The following SORBS2 variants were observed in gnomAD, a reference collection of about 807,000 sequenced individuals.
SORBS2 encodes sorbin and SH3 domain containing 2, also known as sorbin and SH3 domain-containing protein 2.
A neutral mutation model predicts 97.7 loss-of-function variants in SORBS2; 46 were observed. The ratio of observed to expected loss-of-function variants is 0.47; its 90% CI spans 0.37 to 0.60. SORBS2 has a LOEUF of 0.60. Among genes scored for constraint, SORBS2 ranks in the 20% least tolerant of loss-of-function variants. SORBS2 has a pLI of 0.00. For missense variants in SORBS2, 1,316 were observed against 1,282.3 expected (o/e 1.03, Z -0.40); for synonymous variants, 476 against 473.4 (o/e 1.01, Z -0.07).
intron 1 of SORBS2, among the ~76,000 whole-genome samples, chr4:185,933,562 T>C (rs1579563782): frequency 6.6e-6 from 1 of 152,134 alleles, no homozygotes; most frequent in East Asian, 1.9e-4. Flanking sequence ...TGGCCGTCTT[T>C]GGCTTCCTTG....
intron 1 of SORBS2, among the ~76,000 whole-genome samples, chr4:185,788,665 T>C (rs567497897): frequency 3.8e-4 from 58 of 152,382 alleles, no homozygotes; most frequent in African/African-American, 1.3e-3. Flanking sequence ...TACCCTGTAA[T>C]GAATCTTACC....
At chr4:185,782,020 C>T (rs745436418) in intron 1 of SORBS2, among the ~76,000 whole-genome samples, 2 of 152,268 alleles carry the variant, frequency 1.3e-5, no homozygotes, top group Non-Finnish European at 2.9e-5. Context: ...ACATGACTTA[C>T]ATTCCTCCCG....
At chr4:185,736,147 C>T (rs2098686395) in intron 2 of SORBS2, among the ~76,000 whole-genome samples, 1 of 152,216 alleles carries the variant, frequency 6.6e-6, no homozygotes, top group African/African-American at 2.4e-5. Flanking sequence ...TGTCATCATC[C>T]CACAGAGTTT....
chr4:185,610,455 A>G (rs1046746693), intron 12 of SORBS2, among the ~76,000 whole-genome samples: 9 of 152,132 alleles, frequency 5.9e-5, no homozygotes, highest in Non-Finnish European at 4.4e-5. Flanking sequence ...ACAAAATTGG[A>G]TAGTACCAAA....
intron 2 of SORBS2, among the ~76,000 whole-genome samples, chr4:185,719,193 G>A (rs1262851523): frequency 1.3e-5 from 2 of 152,098 alleles, no homozygotes; most frequent in Admixed American, 6.5e-5. Context: ...AGAGGTTACC[G>A]AGAAAAGAGA....
chr4:185,705,089 C>T (rs558564130), intron 2 of SORBS2, among the ~76,000 whole-genome samples: 27 of 152,322 alleles, frequency 1.8e-4, no homozygotes, highest in African/African-American at 5.8e-4. Flanking sequence ...CACAGGCACA[C>T]GTACACATGC....
intron 1 of SORBS2, among the ~76,000 whole-genome samples, chr4:185,937,655 C>T (rs1446437615): frequency 6.6e-5 from 10 of 152,070 alleles, no homozygotes; most frequent in African/African-American, 1.7e-4. Context: ...GCTCCTGATT[C>T]GAAAGCTCAC....
chr4:185,611,669 C>T (rs1228740394), intron 12 of SORBS2, 111 bp downstream of exon 24: 1 of 803,848 alleles, frequency 1.2e-6, no homozygotes, highest in Non-Finnish European at 2.0e-6. Flanking sequence ...ATATGTAAAT[C>T]TCTTTCTCTG....
chr4:185,599,224 AG>A (rs2096195687), intron 12 of SORBS2, among the ~76,000 whole-genome samples: 1 of 152,218 alleles, frequency 6.6e-6, no homozygotes, highest in African/African-American at 2.4e-5. Flanking sequence ...GCCATGCGAT[AG>A]GCCAGTCAAG....
intron 2 of SORBS2, among the ~76,000 whole-genome samples, chr4:185,745,827 G>A (rs140931086): frequency 6.6e-5 from 10 of 152,244 alleles, no homozygotes; most frequent in African/African-American, 1.4e-4. Flanking sequence ...GTGACTGATC[G>A]CTGCAGTGAC....
At position 185,623,465 on chromosome 4, in the gene SORBS2, CGGTGGT is replaced by C. The variant is rs748769484; in HGVS notation, c.1658_1663del (p.His553_His554del). On this transcript the variant is annotated inframe_deletion, in exon 7 of 15. Coordinates refer to ENST00000418609, the Ensembl canonical transcript of SORBS2. This position sits in a 1 kb window ranked among gnomAD's most constrained non-coding sequence, Gnocchi z 6.4. ...GCCTTTGCAGGAGCTGATGAGGTGG[CGGTGGT>C]GGTGGTGGTGGTGATGGTGGTGGTG... 2.6e-4 allele frequency: 413 copies of C among 1,612,016 alleles called. 5 individuals carry two copies. The South Asian group carries it at 4.3e-3, about 17-fold the overall frequency.
chr4:185,892,742 T>G (rs1005464573), intron 1 of SORBS2, among the ~76,000 whole-genome samples: 1 of 152,022 alleles, frequency 6.6e-6, no homozygotes, highest in Non-Finnish European at 1.5e-5. Flanking sequence ...AGACAGAAAG[T>G]AGAATGGTGG....
At chr4:185,812,228 C>T (rs2099187876) in intron 1 of SORBS2, 34 bp from the exon 1 acceptor site, 1 of 152,240 alleles carries the variant, frequency 6.6e-6, no homozygotes, top group African/African-American at 2.4e-5. Context: ...AATGGCTGGT[C>T]CTCTCAGCTC....
In SORBS2 at chr4:185,754,484, G is replaced by T. The variant is rs540807342; in HGVS notation, c.-198+20743C>A. On this transcript the variant is annotated intron_variant, in intron 2 of 20. Coordinates refer to the SORBS2 transcript ENST00000284776. ...CCTGAACTTAAAATAAAAGTTAAAAGAATAATAAAAACAGAAAGTTTACCC... is the reference window on the plus strand; with the variant it reads ...CCTGAACTTAAAATAAAAGTTAAAATAATAATAAAAACAGAAAGTTTACCC... Among the ~76,000 whole-genome samples the T allele has an allele frequency of 2.5e-3, 373 of 152,122 alleles. 3 individuals carry two copies. Among genetic ancestry groups the T allele is most frequent in the African/African-American group, 8.5e-3 (354 of 41,494 alleles).
At chr4:185,881,316 T>A (rs35834071) in intron 1 of SORBS2, among the ~76,000 whole-genome samples, 41,748 of 151,970 alleles carry the variant, frequency 0.27, 5,991 homozygotes, top group East Asian at 0.54. Context: ...AAATAAATAA[T>A]ATTTCTCAAA....
rs191932859 is a variant in SORBS2, at chr4:185,719,445, G to C, written c.-197-40623C>G. On this transcript the variant is annotated intron_variant, in intron 2 of 20. Coordinates refer to the SORBS2 transcript ENST00000284776. ...TTGGTTATCAGTTTTGTGACATATA[G>C]AGTAACAGTTATAAGGATCAGTTTC... 8.5e-4 allele frequency among the ~76,000 whole-genome samples: 129 copies of C among 152,328 alleles called. 1 individual carries two copies. The highest frequency in any genetic ancestry group is 3.0e-3 in the African/African-American group (125 of 41,568).
In SORBS2 at chr4:185,665,979, T is replaced by C. The variant is rs2097590170; in HGVS notation, c.-45-3737A>G. On this transcript the variant is annotated intron_variant, in intron 4 of 20. Coordinates refer to the SORBS2 transcript ENST00000284776. ...CTGGAGCTGGGAGCAGGTGTTTGTA[T>C]AAGCAATGGGAAAGGCTCTGGGGAT... The C allele has an allele frequency of 3.1e-6, 4 of 1,273,474 alleles. No individual in the cohort carries two copies. In the South Asian group the frequency reaches 3.8e-5, roughly 12 times the overall value. 78.9% of individuals were successfully genotyped at this position (1,273,474 alleles called of 1,614,324 possible).
intron 1 of SORBS2, among the ~76,000 whole-genome samples, chr4:185,940,796 A>C (rs563376938): frequency 6.6e-6 from 1 of 152,262 alleles, no homozygotes; most frequent in African/African-American, 2.4e-5. Flanking sequence ...ATCATTCAGG[A>C]GTCTGTTCCT....
intron 2 of SORBS2, among the ~76,000 whole-genome samples, chr4:185,739,045 G>A (rs2098706296): frequency 6.6e-6 from 1 of 152,234 alleles, no homozygotes; most frequent in Admixed American, 6.5e-5. Context: ...ACTTGCAAAT[G>A]AGCTGTCAAG....
Sources: gnomAD v4.1 joint callset for allele counts (sites outside exome capture counted in the v4.1 genomes callset) on GRCh38, gnomAD v4.1.1 for gene constraint, Gnocchi (gnomAD v3.1) non-coding constraint, MANE v1.5 for transcripts, NCBI Gene and HGNC (gene_info 2026-07-23, HGNC 2026-07-21) for gene names.